GIMD1: variants seen among roughly 807,000 people sequenced by gnomAD.
GIMD1 encodes the protein GTPase IMAP family member GIMD1.
In GIMD1, 14 loss-of-function variants were observed where a neutral mutation model predicts 14.9. That is an observed-to-expected ratio of 0.94 (90% CI 0.62 to 1.47). The LOEUF is 1.47. Among genes scored for constraint, GIMD1 ranks in the 40% most tolerant of loss-of-function variants. The pLI is 0.00. For missense variants in GIMD1, 272 were observed against 255.3 expected (o/e 1.07, Z -0.44); for synonymous variants, 91 against 90.5 (o/e 1.01, Z -0.03).
At chr4:106,367,521 T>A in intron 1 of GIMD1, 84 bp from the exon 2 acceptor site, 1 of 1,277,284 alleles carries the variant, frequency 7.8e-7, no homozygotes, top group East Asian at 2.6e-5. Context: ...CTGGTTGCAC[T>A]CCAAGTACGA....
chr4:106,358,162 T>A lies in GIMD1; in HGVS notation c.*21A>T. 6.9e-7 allele frequency: 1 copy of A among 1,439,102 alleles called. No individual in the cohort carries two copies. The highest frequency in any genetic ancestry group is 9.1e-7 in the Non-Finnish European group (1 of 1,093,526). 89.1% of individuals were successfully genotyped at this position (1,439,102 alleles called of 1,614,324 possible). On this transcript the variant is annotated 3_prime_UTR_variant, in exon 3 of 3. Transcript: ENST00000638719. The stretch of plus-strand genomic sequence containing the variant: ...GGTTTCTGACTCCAATACCCAATGC[T>A]CCTTTCCTTTCACCTAAATTTTATT...
At chr4:106,362,758 C>A (rs536204608) in intron 2 of GIMD1, among the ~76,000 whole-genome samples, 17 of 152,200 alleles carry the variant, frequency 1.1e-4, no homozygotes, top group African/African-American at 4.1e-4. Flanking sequence ...TATTCCCTTA[C>A]TCTCACCCCA....
intron 1 of GIMD1, among the ~76,000 whole-genome samples, chr4:106,368,001 A>G (rs562352543): frequency 3.9e-5 from 6 of 152,284 alleles, no homozygotes; most frequent in African/African-American, 7.2e-5. Context: ...CTTCTTTCCT[A>G]TGAAATATGA....
chr4:106,358,265 A>G lies in GIMD1; in HGVS notation c.572T>C (p.Leu191Pro). Residue 191 changes from leucine to proline, a missense_variant, in exon 3 of 3, where the codon CTC becomes CCC. Transcript: ENST00000638719. ...TAAGATTTTCATTCTTTGTTCATTGAGTGATTTTCCTTTTTTGTACTGGAA... is the reference window on the plus strand; with the variant it reads ...TAAGATTTTCATTCTTTGTTCATTGGGTGATTTTCCTTTTTTGTACTGGAA... ...YVFQYKKGKS[L>P]NEQRMKILER... 3 of 1,528,194 alleles carry G rather than the reference A, an allele frequency of 2.0e-6. No individual in the cohort carries two copies. The highest frequency in any genetic ancestry group is 1.4e-5 in the African/African-American group (1 of 72,796). The allele number at this position is 1,528,194 out of a possible 1,614,324, so 94.7% of individuals were successfully genotyped here.
chr4:106,357,890 A>G lies in GIMD1; in HGVS notation c.*293T>C, dbSNP rs1369937989. ...AATAGTCTGTATGTTTAGCTTTTGA[A>G]TAGTAGTTCCATGAACATTATTGTG... On this transcript the variant is annotated 3_prime_UTR_variant, in exon 3 of 3. Coordinates refer to ENST00000638719, the MANE Select transcript of GIMD1 (RefSeq NM_001195138.2). 4.8e-6 allele frequency: 1 copy of G among 208,794 alleles called. No individual in the cohort carries two copies. The highest frequency in any genetic ancestry group is 9.6e-6 in the Non-Finnish European group (1 of 103,770). 12.9% of individuals were successfully genotyped at this position (208,794 alleles called of 1,614,324 possible).
At chr4:106,368,639 C>A in intron 1 of GIMD1, 71 bp downstream of exon 1, 1 of 397,164 alleles carries the variant, frequency 2.5e-6, no homozygotes, top group South Asian at 1.3e-4. Context: ...TCTTTTTACT[C>A]CTAAATCAGG....
chr4:106,368,207 G>A (rs927777219), intron 1 of GIMD1, among the ~76,000 whole-genome samples: 5 of 152,208 alleles, frequency 3.3e-5, no homozygotes, highest in Admixed American at 3.3e-4. Context: ...TCAGTTAGAA[G>A]GGGGGAGAAT....
chr4:106,363,963 T>C (rs972353690), intron 2 of GIMD1, among the ~76,000 whole-genome samples: 1 of 151,728 alleles, frequency 6.6e-6, no homozygotes. Flanking sequence ...GCCAGCTCTT[T>C]CCTTGAGGTG....
rs142673574 is a variant in GIMD1 at position 106,357,965 on chromosome 4, C to T, written c.*218G>A. The stretch of plus-strand genomic sequence containing the variant: ...TGTACACATTTATGTTGGGTATACA[C>T]TTAGGAGTGTAATTGCTATGTCATG... On this transcript the variant is annotated 3_prime_UTR_variant, in exon 3 of 3. Transcript: ENST00000638719. 50 of 430,856 alleles carry T rather than the reference C, an allele frequency of 1.2e-4. 1 individual carries two copies. In the East Asian group the frequency reaches 1.7e-3, roughly 15 times the overall value. 26.7% of individuals were successfully genotyped at this position (430,856 alleles called of 1,614,324 possible). A position where few individuals can be genotyped will look rare whatever the true frequency, so the allele number is the denominator to read the frequency against.
In GIMD1 at chr4:106,368,740, A is replaced by T. The variant is rs1770745316; in HGVS notation, c.-33T>A. On this transcript the variant is annotated 5_prime_UTR_variant, in exon 1 of 3. Transcript: ENST00000638719. ...CCAGTCTTGAAAATGCTTTCTCCAC[A>T]AAGACGTCTCTCGCCCTGGCACAGT... The T allele has an allele frequency of 2.5e-6, 1 of 398,384 alleles. No individual in the cohort carries two copies. Among genetic ancestry groups the T allele is most frequent in the African/African-American group, 2.1e-5 (1 of 48,618 alleles). 24.7% of individuals were successfully genotyped at this position (398,384 alleles called of 1,614,324 possible).
intron 1 of GIMD1, among the ~76,000 whole-genome samples, chr4:106,368,144 G>C (rs937960800): frequency 2.0e-5 from 3 of 151,868 alleles, no homozygotes; most frequent in African/African-American, 7.3e-5. Flanking sequence ...TGTTCCATTA[G>C]TGTAAGTGTT....
At chr4:106,359,842 C>T (rs1026454646) in intron 2 of GIMD1, among the ~76,000 whole-genome samples, 1 of 151,750 alleles carries the variant, frequency 6.6e-6, no homozygotes, top group South Asian at 2.1e-4. Context: ...AACTACGGGA[C>T]AAAACATTTA....
rs186219650 is a variant in GIMD1 at position 106,367,123 on chromosome 4, G to A, written c.313C>T (p.Leu105Phe). Reference sequence around the variant, plus strand: ...CTCTGAACCAGGAGTGCAAGGTGGAGACCCCCTTGCCCGAAGTGATGTGCC... The same window carrying A: ...CTCTGAACCAGGAGTGCAAGGTGGAAACCCCCTTGCCCGAAGTGATGTGCC... ...ALAHHFGQGG[L>F]HLALLVQRAD... is the part of the protein sequence containing the mutation. Residue 105 changes from leucine (L) to phenylalanine (F), a missense_variant, in exon 2 of 3, where the codon CTC (leucine) becomes TTC (phenylalanine). Physicochemically the swap from Leu to Phe is conservative, Grantham distance 22 (BLOSUM62 0). Coordinates refer to ENST00000638719, the MANE Select transcript of GIMD1 (RefSeq NM_001195138.2). 2.7e-4 allele frequency: 413 copies of A among 1,533,606 alleles called. No individual in the cohort carries two copies. Among genetic ancestry groups the A allele is most frequent in the Non-Finnish European group, 3.4e-4 (391 of 1,144,808 alleles). 95.0% of individuals were successfully genotyped at this position (1,533,606 alleles called of 1,614,324 possible).
intron 1 of GIMD1, among the ~76,000 whole-genome samples, chr4:106,368,362 C>T (rs533121660): frequency 2.6e-5 from 4 of 152,156 alleles, no homozygotes; most frequent in Admixed American, 6.5e-5. Context: ...AAACTGCCCA[C>T]GCTACCAATT....
At chr4:106,362,329 A>T (rs971607218) in intron 2 of GIMD1, among the ~76,000 whole-genome samples, 1 of 152,136 alleles carries the variant, frequency 6.6e-6, no homozygotes, top group Admixed American at 6.6e-5. Context: ...TTAGTGGCCA[A>T]ACATGTTCTC....
In GIMD1 at chr4:106,358,103, A is replaced by T; in HGVS notation, c.*80T>A. On this transcript the variant is annotated 3_prime_UTR_variant, in exon 3 of 3. Coordinates refer to ENST00000638719, the MANE Select transcript of GIMD1 (RefSeq NM_001195138.2). ...CAGCATATCAGAATACTTATGGTCC[A>T]CATTCATGTCAATAAAGGCATTCTT... 1.1e-6 allele frequency: 1 copy of T among 939,252 alleles called. No homozygotes were observed. The highest frequency in any genetic ancestry group is 1.5e-6 in the Non-Finnish European group (1 of 650,376). 58.2% of individuals were successfully genotyped at this position (939,252 alleles called of 1,614,324 possible). A position where few individuals can be genotyped will look rare whatever the true frequency, so the allele number is the denominator to read the frequency against.
At chr4:106,365,641 T>G (rs1049869314) in intron 2 of GIMD1, among the ~76,000 whole-genome samples, 3 of 152,108 alleles carry the variant, frequency 2.0e-5, no homozygotes, top group Non-Finnish European at 4.4e-5. Context: ...ACTGTGGAGC[T>G]TCTAATAGAC....
chr4:106,358,168 C>T lies in GIMD1; in HGVS notation c.*15G>A. 6.9e-7 allele frequency: 1 copy of T among 1,451,154 alleles called. No homozygotes were observed. The allele number at this position is 1,451,154 out of a possible 1,614,324, so 89.9% of individuals were successfully genotyped here. On this transcript the variant is annotated 3_prime_UTR_variant, in exon 3 of 3. Transcript: ENST00000638719. ...TGACTCCAATACCCAATGCTCCTTT[C>T]CTTTCACCTAAATTTTATTTAAATG... is the stretch of plus-strand genomic sequence containing the variant.
chr4:106,357,737 T>C lies in GIMD1; in HGVS notation c.*446A>G, dbSNP rs1770551866. The stretch of plus-strand genomic sequence containing the variant: ...TTATGTCTGGCTTATTTTTCAACAT[T>C]ATGTTTGGGCAATTCACTGGTATCG... On this transcript the variant is annotated 3_prime_UTR_variant, in exon 3 of 3. Coordinates refer to ENST00000638719, the MANE Select transcript of GIMD1 (RefSeq NM_001195138.2). 1 of 153,788 alleles carries C rather than the reference T, an allele frequency of 6.5e-6. No homozygotes were observed. Among genetic ancestry groups the C allele is most frequent in the Non-Finnish European group, 1.4e-5 (1 of 69,118 alleles). The allele number at this position is 153,788 out of a possible 1,614,324, so 9.5% of individuals were successfully genotyped here. A position where few individuals can be genotyped will look rare whatever the true frequency, so the allele number is the denominator to read the frequency against.
Sources: allele counts gnomAD v4.1 joint callset (sites outside exome capture counted in the v4.1 genomes callset), GRCh38; gene constraint gnomAD v4.1.1; transcripts MANE v1.5; gene names NCBI Gene and HGNC (gene_info 2026-07-23, HGNC 2026-07-21).